Variants in RASA2 observed in about 807,000 individuals in gnomAD.
RASA2 encodes the protein RAS p21 protein activator 2.
RASA2 carries 155 observed loss-of-function variants against 118.2 expected under a neutral mutation model. The observed-to-expected ratio is 1.31, with a 90% CI of 1.15 to 1.50. The LOEUF (loss-of-function observed/expected upper bound fraction) is 1.50, where lower values mean the gene tolerates loss of function less well. RASA2 is among the 40% of genes most tolerant of loss of function. The pLI is 0.00. For synonymous variants in RASA2, 353 were observed against 349.1 expected, an observed-to-expected ratio of 1.01 and a Z score of -0.12; for missense variants, 1,016 against 1,009.6, an observed-to-expected ratio of 1.01 and a Z score of -0.09.
At chr3:141,516,728 TC>T (rs2082032752) in intron 3 of RASA2, among the ~76,000 whole-genome samples, 1 of 152,120 alleles carries the variant, frequency 6.6e-6, no homozygotes, top group Non-Finnish European at 1.5e-5. Context: ...CTGTTTCATA[TC>T]TAGGTTCTCT....
At chr3:141,518,119 T>C (rs2082055379) in intron 3 of RASA2, among the ~76,000 whole-genome samples, 1 of 152,162 alleles carries the variant, frequency 6.6e-6, no homozygotes, top group African/African-American at 2.4e-5. Context: ...TCTCTTTCTT[T>C]TTAGTATCCT....
intron 19 of RASA2, chr3:141,600,191 A>C: frequency 2.6e-6 from 1 of 377,818 alleles, no homozygotes; most frequent in South Asian, 2.3e-5. Context: ...TTGCTATAGG[A>C]AATCCAAGTG....
intron 19 of RASA2, among the ~76,000 whole-genome samples, chr3:141,607,331 A>G (rs2083563600): frequency 6.6e-6 from 1 of 152,142 alleles, no homozygotes; most frequent in Non-Finnish European, 1.5e-5. Context: ...TTGTCTAGGC[A>G]AGTTTTGAGT....
intron 19 of RASA2, chr3:141,586,978 C>T: frequency 1.8e-6 from 1 of 541,460 alleles, no homozygotes; most frequent in Non-Finnish European, 3.3e-6. Flanking sequence ...GGTGTTCCTT[C>T]AGTGTGCTCT....
Position 141,612,435 on chromosome 3 carries a change from A to T in RASA2, c.*122A>T, listed in dbSNP as rs1160915367. 2.8e-6 allele frequency: 2 copies of T among 710,220 alleles called. No homozygotes were observed. Among genetic ancestry groups the T allele is most frequent in the African/African-American group, 3.7e-5 (2 of 54,746 alleles). 44.0% of individuals were successfully genotyped at this position (710,220 alleles called of 1,614,324 possible). On this transcript the variant is annotated 3_prime_UTR_variant, in exon 24 of 24. Coordinates refer to ENST00000286364, the MANE Select transcript of RASA2 (RefSeq NM_006506.5). The stretch of plus-strand genomic sequence containing the variant: ...ATCCGCTTCAATGTCATCTGCCTCC[A>T]CATTGTATTTAATATTTAATAATTG...
At chr3:141,487,590 C>T (rs1254650284) in intron 1 of RASA2, among the ~76,000 whole-genome samples, 1 of 151,920 alleles carries the variant, frequency 6.6e-6, no homozygotes, top group Non-Finnish European at 1.5e-5. Flanking sequence ...CGCCCTCAGA[C>T]TCAGGCCTTC....
chr3:141,612,440 GTATTTAA>G lies in RASA2; in HGVS notation c.*137_*143del. The G allele has an allele frequency of 1.5e-6, 1 of 676,302 alleles. No homozygotes were observed. The highest frequency in any genetic ancestry group is 2.4e-6 in the Non-Finnish European group (1 of 412,936). The allele number at this position is 676,302 out of a possible 1,614,324, so 41.9% of individuals were successfully genotyped here. A position where few individuals can be genotyped will look rare whatever the true frequency, so the allele number is the denominator to read the frequency against. On this transcript the variant is annotated 3_prime_UTR_variant, in exon 24 of 24. Coordinates refer to ENST00000286364, the MANE Select transcript of RASA2 (RefSeq NM_006506.5). Reference sequence around the variant, plus strand: ...CTTCAATGTCATCTGCCTCCACATTGTATTTAATATTTAATAATTGAAATTAATTGTT... The same window carrying G: ...CTTCAATGTCATCTGCCTCCACATTGTATTTAATAATTGAAATTAATTGTT...
At chr3:141,599,733 G>A (rs541154039) in intron 19 of RASA2, among the ~76,000 whole-genome samples, 2 of 140,728 alleles carry the variant, frequency 1.4e-5, no homozygotes, top group Admixed American at 1.4e-4. Flanking sequence ...ATTTCAATTT[G>A]TGAACCATAG....
In RASA2 at chr3:141,613,417, CTT is replaced by C. The variant is rs1483697433; in HGVS notation, c.*1106_*1107del. 1 of 152,172 alleles carries C rather than the reference CTT, an allele frequency of 6.6e-6. No individual in the cohort carries two copies. The highest frequency in any genetic ancestry group is 1.5e-5 in the Non-Finnish European group (1 of 68,024). The allele number at this position is 152,172 out of a possible 1,614,324, so 9.4% of individuals were successfully genotyped here. A position where few individuals can be genotyped will look rare whatever the true frequency, so the allele number is the denominator to read the frequency against. ...CCAAATGGAATTTGGGCAAGCAACT[CTT>C]TGAAGACTTTTTTACCCTAGAAATT... On this transcript the variant is annotated 3_prime_UTR_variant, in exon 24 of 24. Coordinates refer to ENST00000286364, the MANE Select transcript of RASA2 (RefSeq NM_006506.5).
chr3:141,550,815 C>T (rs2082563181), intron 5 of RASA2, among the ~76,000 whole-genome samples: 1 of 152,164 alleles, frequency 6.6e-6, no homozygotes, highest in African/African-American at 2.4e-5. Flanking sequence ...CGAGATTGCG[C>T]CACTGCACTC....
chr3:141,608,717 T>A lies in RASA2; in HGVS notation c.2225+20T>A. 1 of 1,598,294 alleles carries A rather than the reference T, an allele frequency of 6.3e-7. No homozygotes were observed. Among genetic ancestry groups the A allele is most frequent in the Non-Finnish European group, 8.6e-7 (1 of 1,166,038 alleles). ...TACTGCGTAAGTTTCTTTCTGATTA[T>A]AAAAGCAGTGTGTCAAAATTTGATA... is the stretch of plus-strand genomic sequence containing the variant. On this transcript the variant is annotated intron_variant, in intron 21 of 23. Transcript: ENST00000286364.
intron 1 of RASA2, among the ~76,000 whole-genome samples, chr3:141,505,449 C>G (rs2081851256): frequency 1.3e-5 from 2 of 152,136 alleles, no homozygotes; most frequent in South Asian, 4.1e-4. Flanking sequence ...TGCCCTTAAG[C>G]AGAGCTCTTT....
intron 2 of RASA2, among the ~76,000 whole-genome samples, 165 bp from the exon 3 acceptor site, chr3:141,516,163 C>T (rs1378827320): frequency 5.9e-5 from 9 of 151,328 alleles, no homozygotes; most frequent in Non-Finnish European, 1.3e-4. Flanking sequence ...AACAAAGCTG[C>T]ACGTTGTGCA....
At chr3:141,578,601 CTG>C (rs1252322425) in intron 15 of RASA2, 1 of 152,220 alleles carries the variant, frequency 6.6e-6, no homozygotes, top group African/African-American at 2.4e-5. Flanking sequence ...GATAAATGGT[CTG>C]TGAGTAGCCC....
At chr3:141,602,752 A>G (rs78699974) in intron 19 of RASA2, among the ~76,000 whole-genome samples, 2,528 of 152,320 alleles carry the variant, frequency 0.017, 25 homozygotes, top group South Asian at 0.052. Flanking sequence ...AGGCAGCTCA[A>G]ATACCTCAAA....
At position 141,607,666 on chromosome 3, in the gene RASA2, T is replaced by G; in HGVS notation, c.1934-12T>G. On this transcript the variant is annotated splice_polypyrimidine_tract_variant and intron_variant, in intron 19 of 23. Coordinates refer to ENST00000286364, the MANE Select transcript of RASA2 (RefSeq NM_006506.5). ...ATTACTTTAATTTTGTTTTACTTTT[T>G]TTATTATTTAGGCAAAGATGCAATC... The G allele has an allele frequency of 6.4e-7, 1 of 1,564,520 alleles. No individual in the cohort carries two copies. The highest frequency in any genetic ancestry group is 8.6e-7 in the Non-Finnish European group (1 of 1,161,924).
At chr3:141,517,716 C>T (rs1256162410) in intron 3 of RASA2, among the ~76,000 whole-genome samples, 11 of 152,052 alleles carry the variant, frequency 7.2e-5, no homozygotes, top group African/African-American at 1.7e-4. Context: ...TTCAGTGGCG[C>T]GATCTCAGCT....
At chr3:141,512,398 G>A (rs2081965345) in intron 2 of RASA2, 118 bp downstream of exon 2, 3 of 669,294 alleles carry the variant, frequency 4.5e-6, no homozygotes, top group Non-Finnish European at 7.3e-6. Context: ...CTTTCATGTG[G>A]CTTTTCATTG....
In RASA2 at chr3:141,555,894, T is replaced by G; in HGVS notation, c.666T>G (p.Asn222Lys). ...VKKKTSNPQF[N>K]EIFYFEVTRS... ...AGAAAACAAGCAATCCGCAGTTTAATGAAATCTTTTATTTTGAGGTAATTT... is the reference window on the plus strand; with the variant it reads ...AGAAAACAAGCAATCCGCAGTTTAAGGAAATCTTTTATTTTGAGGTAATTT... The change falls in exon 7 of 24, where the codon AAT (asparagine) becomes AAG (lysine). Residue 222 changes from asparagine (N) to lysine (K), a missense_variant. Physicochemically the swap from Asn to Lys is moderately conservative, Grantham distance 94. This residue lies in a region of RASA2 where 896 missense variants were observed against 836.4 expected (regional missense o/e 1.07). Transcript: ENST00000286364. 6.2e-7 allele frequency: 1 copy of G among 1,610,686 alleles called. No homozygotes were observed. Among genetic ancestry groups the G allele is most frequent in the Middle Eastern group, 1.8e-4 (1 of 5,460 alleles).
Sources: gnomAD v4.1 joint callset for allele counts (sites outside exome capture counted in the v4.1 genomes callset) on GRCh38, gnomAD v4.1.1 for gene constraint, gnomAD v4.1.1 regional missense constraint, MANE v1.5 for transcripts, NCBI Gene and HGNC (gene_info 2026-07-23, HGNC 2026-07-21) for gene names.